PLK2: variants seen among roughly 807,000 people sequenced by gnomAD.
PLK2 encodes serine/threonine-protein kinase PLK2.
In PLK2, 25 loss-of-function variants were observed where a neutral mutation model predicts 78.1. The observed-to-expected ratio is 0.32, with a 90% CI of 0.23 to 0.45. The LOEUF is 0.45. Among genes scored for constraint, PLK2 ranks in the 20% least tolerant of loss-of-function variants. PLK2 has a pLI of 1.00. For synonymous variants in PLK2, 332 were observed against 298.2 expected (o/e 1.11, Z -1.17); for missense variants, 566 against 840.2 (o/e 0.67, Z 4.04).
chr5:58,455,912 A>G (rs948870429), intron 10 of PLK2, 114 bp downstream of exon 10: 4 of 1,472,470 alleles, frequency 2.7e-6, no homozygotes, highest in Admixed American at 3.8e-5. Flanking sequence ...AATTCCTGTA[A>G]TCTTACTACT....
At chr5:58,459,539 A>C in intron 1 of PLK2, 151 bp downstream of exon 1, 1 of 648,204 alleles carries the variant, frequency 1.5e-6, no homozygotes, top group Non-Finnish European at 2.6e-6. Context: ...CACAAAAGCC[A>C]GAGGGCAGGT....
chr5:58,458,142 G>A lies in PLK2; in HGVS notation c.655C>T (p.Leu219=), dbSNP rs1300193773. The A allele has an allele frequency of 1.9e-6, 3 of 1,612,722 alleles. No homozygotes were observed. The highest frequency in any genetic ancestry group is 8.5e-7 in the Non-Finnish European group (1 of 1,178,976). ...GNFFINEAME[L]KVGDFGLAAR... is the part of the protein sequence containing the mutation. The stretch of plus-strand genomic sequence containing the variant: ...GCCAGACCGAAGTCCCCAACTTTTA[G>A]TTCCATGGCTTCATTAATAAAAAAG... The change falls in exon 5 of 14, where the codon CTA becomes TTA. Residue 219 remains leucine, a synonymous_variant. Transcript: ENST00000274289.
intron 8 of PLK2, 145 bp downstream of exon 8, chr5:58,456,800 T>C (rs1173444970): frequency 1.6e-6 from 1 of 640,746 alleles, no homozygotes; most frequent in Non-Finnish European, 2.6e-6. Context: ...ATTCAAGGTA[T>C]GGATTTATTA....
Position 58,455,038 on chromosome 5 carries a change from G to A in PLK2, c.1756-17C>T. ...ATCTCCACCCTGGAAGAGATTAGGAGAGTGAGTTAGTGCCTACAAAGATTT... is the reference window on the plus strand; with the variant it reads ...ATCTCCACCCTGGAAGAGATTAGGAAAGTGAGTTAGTGCCTACAAAGATTT... On this transcript the variant is annotated splice_polypyrimidine_tract_variant and intron_variant, in intron 12 of 13. Coordinates refer to ENST00000274289, the MANE Select transcript of PLK2 (RefSeq NM_006622.4). 6.9e-7 allele frequency: 1 copy of A among 1,439,330 alleles called. No homozygotes were observed. The highest frequency in any genetic ancestry group is 1.7e-5 in the Admixed American group (1 of 59,206). 89.2% of individuals were successfully genotyped at this position (1,439,330 alleles called of 1,614,324 possible). A position where few individuals can be genotyped will look rare whatever the true frequency, so the allele number is the denominator to read the frequency against.
At chr5:58,458,619 T>G (rs1743672125) in intron 3 of PLK2, 91 bp from the exon 4 acceptor site, 1 of 1,380,970 alleles carries the variant, frequency 7.2e-7, no homozygotes, top group East Asian at 2.3e-5. Flanking sequence ...GAAAGTTAAC[T>G]TTGCAGTGTA....
chr5:58,459,588 A>AC, intron 1 of PLK2, 102 bp downstream of exon 1: 1 of 1,069,860 alleles, frequency 9.3e-7, no homozygotes, highest in African/African-American at 1.6e-5. Flanking sequence ...CCCCCGAAAA[A>AC]CCCGGAAGCG....
rs775154027 is a variant in PLK2 at position 58,459,691 on chromosome 5, T to G, written c.269A>C (p.Lys90Thr). 6.4e-7 allele frequency: 1 copy of G among 1,572,066 alleles called. No individual in the cohort carries two copies. The highest frequency in any genetic ancestry group is 8.6e-7 in the Non-Finnish European group (1 of 1,157,532). Residue 90 changes from lysine (K) to threonine (T), a missense_variant and splice_region_variant, in exon 1 of 14, where the codon AAG becomes ACG. Transcript: ENST00000274289. ...KRYCRGKVLG[K>T]GGFAKCYEMT... ...AGCCCGGCGCCCTCCGCTTGTCACC[T>G]TTCCCAGCACTTTGCCCCGGCAGTA...
intron 12 of PLK2, 35 bp from the exon 13 acceptor site, chr5:58,455,056 A>G (rs1743559026): frequency 3.8e-6 from 5 of 1,301,970 alleles, no homozygotes; most frequent in Admixed American, 3.5e-5. Flanking sequence ...TAGTGCCTAC[A>G]AAGATTTTGT....
chr5:58,456,373 G>A (rs1177879320), intron 9 of PLK2, 119 bp downstream of exon 9: 1 of 840,154 alleles, frequency 1.2e-6, no homozygotes, highest in South Asian at 1.7e-5. Context: ...AGGGTTTGAA[G>A]AAAAACTTTA....
Position 58,457,294 on chromosome 5 carries a change from T to C in PLK2, c.895A>G (p.Met299Val), listed in dbSNP as rs1477447806. 6.2e-7 allele frequency: 1 copy of C among 1,613,506 alleles called. No individual in the cohort carries two copies. Among genetic ancestry groups the C allele is most frequent in the African/African-American group, 1.3e-5 (1 of 74,936 alleles). Residue 299 changes from methionine (M) to valine (V), a missense_variant, in exon 7 of 14, where the codon ATG (methionine) becomes GTG (valine). By Grantham distance (21) the Met-to-Val change is conservative (BLOSUM62 1). This residue lies in a region of PLK2 where 179 missense variants were observed against 342.3 expected (regional missense o/e 0.52). Coordinates refer to ENST00000274289, the MANE Select transcript of PLK2 (RefSeq NM_006622.4). ...YRCIREARYT[M>V]PSSLLAPAKH... ...GCAGGAGCCAGCAATGAGGACGGCATTGTATACCTTGCTTCCCTTATGCAC... is the reference window on the plus strand; with the variant it reads ...GCAGGAGCCAGCAATGAGGACGGCACTGTATACCTTGCTTCCCTTATGCAC...
Position 58,454,351 on chromosome 5 carries a change from A to G in PLK2, c.*232T>C, listed in dbSNP as rs927924170. 3 of 404,048 alleles carry G rather than the reference A, an allele frequency of 7.4e-6. No homozygotes were observed. Among genetic ancestry groups the G allele is most frequent in the African/African-American group, 6.1e-5 (3 of 49,228 alleles). 25.0% of individuals were successfully genotyped at this position (404,048 alleles called of 1,614,324 possible). A position where few individuals can be genotyped will look rare whatever the true frequency, so the allele number is the denominator to read the frequency against. On this transcript the variant is annotated 3_prime_UTR_variant, in exon 14 of 14. Transcript: ENST00000274289. ...GCAAAATTGTCTGAAAAACCTTTTA[A>G]AACAGGTATCTCAAGGAAAACTGCA...
chr5:58,457,679 A>G (rs897472752), intron 5 of PLK2, 96 bp from the exon 6 acceptor site: 69 of 703,558 alleles, frequency 9.8e-5, no homozygotes, highest in Non-Finnish European at 1.6e-4. Flanking sequence ...AATCTTAAAC[A>G]AAATCTTAAA....
intron 5 of PLK2, chr5:58,457,855 T>C: frequency 1.7e-6 from 1 of 595,178 alleles, no homozygotes; most frequent in Non-Finnish European, 3.0e-6. Context: ...CGTGGCATTT[T>C]ATACATTTTA....
chr5:58,456,270 T>G, intron 9 of PLK2, 115 bp from the exon 10 acceptor site: 1 of 1,009,404 alleles, frequency 9.9e-7, no homozygotes, highest in Non-Finnish European at 1.5e-6. Context: ...CAAAAAGCAA[T>G]GGACACAAGC....
In PLK2 at chr5:58,457,078, G is replaced by A. The variant is rs969390786; in HGVS notation, c.1023C>T (p.Asp341=). The A allele has an allele frequency of 6.2e-7, 1 of 1,613,584 alleles. No individual in the cohort carries two copies. ...TATGACAACAGCTAGAAGACAGTCTGTCCGGAGTGAAGCCCTGTGGAATAT... is the reference window on the plus strand; with the variant it reads ...TATGACAACAGCTAGAAGACAGTCTATCCGGAGTGAAGCCCTGTGGAATAT... ...HDFFLQGFTP[D]RLSSSCCHTV... is the part of the protein sequence containing the mutation. Residue 341 remains aspartate, a synonymous_variant, in exon 8 of 14, where the codon GAC becomes GAT. Transcript: ENST00000274289.
chr5:58,458,703 TCA>T lies in PLK2; in HGVS notation c.495+20_495+21del, dbSNP rs1491093995. 7.5e-7 allele frequency: 1 copy of T among 1,337,572 alleles called. No individual in the cohort carries two copies. The allele number at this position is 1,337,572 out of a possible 1,614,324, so 82.9% of individuals were successfully genotyped here. On this transcript the variant is annotated intron_variant, in intron 3 of 13. Transcript: ENST00000274289. ...GTTAATTCGGGGTAAGCAAATGTTC[TCA>T]AATAGGAGTTGACACTTACCCTTCT...
At chr5:58,454,795 A>G in intron 13 of PLK2, 21 bp from the exon 14 acceptor site, 2 of 1,553,646 alleles carry the variant, frequency 1.3e-6, no homozygotes, top group Non-Finnish European at 1.8e-6. Flanking sequence ...AAACATAGAC[A>G]TTAGATCTCT....
chr5:58,455,995 A>G (rs1289975282), intron 10 of PLK2, 31 bp downstream of exon 10: 1 of 1,597,992 alleles, frequency 6.3e-7, no homozygotes, highest in Admixed American at 1.8e-5. Context: ...TTCGAGTTTC[A>G]TTATTTAAAA....
At chr5:58,458,643 C>G in intron 3 of PLK2, 82 bp downstream of exon 3, 2 of 1,277,744 alleles carry the variant, frequency 1.6e-6, no homozygotes, top group Admixed American at 3.7e-5. Context: ...GCTGCCACAG[C>G]TAAAATCCCA....
Sources: allele counts gnomAD v4.1 joint callset, GRCh38; gene constraint gnomAD v4.1.1; regional missense constraint gnomAD v4.1.1; transcripts MANE v1.5; gene names NCBI Gene and HGNC (gene_info 2026-07-23, HGNC 2026-07-21).